HEATR5B: variants seen among roughly 807,000 people sequenced by gnomAD.
HEATR5B encodes the protein HEAT repeat-containing protein 5B.
HEATR5B carries 156 observed loss-of-function variants against 224.1 expected under a neutral mutation model. The ratio of observed to expected loss-of-function variants is 0.70; its 90% CI spans 0.61 to 0.80. The LOEUF (loss-of-function observed/expected upper bound fraction) is 0.80, where lower values mean the gene tolerates loss of function less well. Among genes scored for constraint, HEATR5B ranks in the 30% least tolerant of loss-of-function variants. HEATR5B has a pLI of 0.00. For synonymous variants in HEATR5B, 1,027 were observed against 893.0 expected (o/e 1.15, Z -2.68); for missense variants, 2,323 against 2,535.5 (o/e 0.92, Z 1.80).
intron 22 of HEATR5B, among the ~76,000 whole-genome samples, chr2:37,030,580 C>G (rs1476187586): frequency 1.3e-5 from 2 of 152,122 alleles, no homozygotes; most frequent in African/African-American, 2.4e-5. Flanking sequence ...CCAAAAAACC[C>G]TCCAGAAAAT....
chr2:37,037,174 C>G (rs528288962), intron 21 of HEATR5B, among the ~76,000 whole-genome samples: 5 of 80,374 alleles, frequency 6.2e-5, no homozygotes, highest in African/African-American at 2.6e-4. Flanking sequence ...GAGATGGAGT[C>G]TTGCTCTGTC....
At chr2:37,068,652 T>G in intron 8 of HEATR5B, 29 bp downstream of exon 8, 1 of 1,608,476 alleles carries the variant, frequency 6.2e-7, no homozygotes, top group Middle Eastern at 1.7e-4. Context: ...ACTAAGGTAA[T>G]CAACACACAT....
chr2:37,070,278 T>C lies in HEATR5B; in HGVS notation c.879A>G (p.Leu293=). ...CACGATTAACGGACCCTCCAACTTT[T>C]AACATTTCTCCACCGCTCTTTAAGA... ...SGFLKSGGEM[L]KVGGSVNREV... is the part of the protein sequence containing the mutation. Residue 293 remains leucine, a synonymous_variant, in exon 7 of 36, where the codon TTA becomes TTG. Coordinates refer to ENST00000233099, the MANE Select transcript of HEATR5B (RefSeq NM_019024.3). 1 of 1,614,120 alleles carries C rather than the reference T, an allele frequency of 6.2e-7. No individual in the cohort carries two copies. Among genetic ancestry groups the C allele is most frequent in the Non-Finnish European group, 8.5e-7 (1 of 1,179,984 alleles).
At chr2:37,065,115 A>G in intron 9 of HEATR5B, 125 bp from the exon 10 acceptor site, 1 of 925,396 alleles carries the variant, frequency 1.1e-6, no homozygotes, top group Non-Finnish European at 1.6e-6. Context: ...TAGATCCACA[A>G]CTTTGCCTAA....
chr2:36,988,625 T>C (rs771234566), intron 35 of HEATR5B, 21 bp downstream of exon 35: 14 of 1,576,650 alleles, frequency 8.9e-6, no homozygotes, highest in South Asian at 4.4e-5. Flanking sequence ...AACTAGTAGC[T>C]TTTTATAAGA....
At position 37,005,603 on chromosome 2, in the gene HEATR5B, C is replaced by A. The variant is rs760846579; in HGVS notation, c.4905+29G>T. 3.1e-6 allele frequency: 5 copies of A among 1,600,458 alleles called. No homozygotes were observed. The South Asian group carries it at 3.4e-5, about 11-fold the overall frequency. On this transcript the variant is annotated intron_variant, in intron 30 of 35. Coordinates refer to ENST00000233099, the MANE Select transcript of HEATR5B (RefSeq NM_019024.3). ...AAGCAATACTCAAAAAAAAACCACA[C>A]AAGTATCTATCATAGCAATACACTG... is the stretch of plus-strand genomic sequence containing the variant.
intron 33 of HEATR5B, among the ~76,000 whole-genome samples, chr2:36,997,036 C>T (rs1217580816): frequency 6.6e-6 from 1 of 152,128 alleles, no homozygotes; most frequent in Non-Finnish European, 1.5e-5. Context: ...CTTCTTTCAC[C>T]TATTGGTGAG....
At chr2:36,999,079 G>T (rs1320828237) in intron 33 of HEATR5B, among the ~76,000 whole-genome samples, 2 of 151,814 alleles carry the variant, frequency 1.3e-5, no homozygotes, top group Non-Finnish European at 2.9e-5. Context: ...TGGGCGTGGT[G>T]GTGCGTGCCT....
At chr2:37,043,113 C>T (rs910420225) in intron 18 of HEATR5B, among the ~76,000 whole-genome samples, 1 of 152,174 alleles carries the variant, frequency 6.6e-6, no homozygotes, top group Non-Finnish European at 1.5e-5. Flanking sequence ...AAACTTTCCA[C>T]TTGATGTGTG....
chr2:37,033,940 C>A (rs942628332), intron 21 of HEATR5B, among the ~76,000 whole-genome samples: 6 of 152,156 alleles, frequency 3.9e-5, no homozygotes, highest in African/African-American at 1.4e-4. Flanking sequence ...TATGTTCCAT[C>A]TGCTGCTTTT....
At chr2:37,068,510 C>CT (rs2148581029) in intron 8 of HEATR5B, among the ~76,000 whole-genome samples, 171 bp downstream of exon 8, 1 of 152,194 alleles carries the variant, frequency 6.6e-6, no homozygotes, top group East Asian at 1.9e-4. Flanking sequence ...TTTAAAAACT[C>CT]TATTTCACTG....
chr2:37,070,443 T>G, intron 6 of HEATR5B, 56 bp from the exon 7 acceptor site: 1 of 1,347,206 alleles, frequency 7.4e-7, no homozygotes, highest in Non-Finnish European at 1.0e-6. Context: ...CACTCTAGCT[T>G]AATAATTCAA....
intron 26 of HEATR5B, among the ~76,000 whole-genome samples, chr2:37,019,029 G>A (rs74354783): frequency 0.038 from 5,698 of 151,850 alleles, 157 homozygotes; most frequent in East Asian, 0.12. Flanking sequence ...GCGTGGTGGC[G>A]GGCACCTAAT....
At position 37,020,642 on chromosome 2, in the gene HEATR5B, T is replaced by C. The variant is rs186528951; in HGVS notation, c.4035+13A>G. 4.9e-5 allele frequency: 74 copies of C among 1,513,028 alleles called. No homozygotes were observed. Among genetic ancestry groups the C allele is most frequent in the East Asian group, 1.2e-4 (5 of 42,074 alleles). The allele number at this position is 1,513,028 out of a possible 1,614,324, so 93.7% of individuals were successfully genotyped here. On this transcript the variant is annotated intron_variant, in intron 25 of 35. Coordinates refer to ENST00000233099, the MANE Select transcript of HEATR5B (RefSeq NM_019024.3). Reference sequence around the variant, plus strand: ...GATCAATTTTAAGTTCTTAAATAAATAGAAAATCTCACATTAGCCTGATAC... The same window carrying C: ...GATCAATTTTAAGTTCTTAAATAAACAGAAAATCTCACATTAGCCTGATAC...
intron 26 of HEATR5B, among the ~76,000 whole-genome samples, chr2:37,015,222 T>C (rs1015379130): frequency 2.6e-5 from 4 of 152,176 alleles, no homozygotes; most frequent in African/African-American, 9.7e-5. Context: ...TAATTGGGAT[T>C]AGATTAAGGT....
intron 29 of HEATR5B, among the ~76,000 whole-genome samples, chr2:37,005,984 G>A (rs974054684): frequency 3.3e-5 from 5 of 152,086 alleles, no homozygotes; most frequent in African/African-American, 1.2e-4. Flanking sequence ...TGTGAAAGAA[G>A]GAATTCCCAT....
intron 26 of HEATR5B, among the ~76,000 whole-genome samples, chr2:37,015,789 T>A (rs1033005313): frequency 7.9e-5 from 12 of 152,314 alleles, no homozygotes; most frequent in Admixed American, 5.2e-4. Context: ...AACTTGGGTC[T>A]GGATTTCAGG....
chr2:37,040,598 G>C, intron 19 of HEATR5B, 80 bp from the exon 20 acceptor site: 2 of 966,032 alleles, frequency 2.1e-6, no homozygotes, highest in East Asian at 2.7e-5. Context: ...TTGTTACATG[G>C]GTATACTCTT....
At chr2:37,044,523 G>A (rs976540880) in intron 18 of HEATR5B, among the ~76,000 whole-genome samples, 1 of 152,078 alleles carries the variant, frequency 6.6e-6, no homozygotes, top group African/African-American at 2.4e-5. Flanking sequence ...GATAATTGTG[G>A]ATACTTTCCA....
Sources: allele counts gnomAD v4.1 joint callset (sites outside exome capture counted in the v4.1 genomes callset), GRCh38; gene constraint gnomAD v4.1.1; transcripts MANE v1.5; gene names NCBI Gene and HGNC (gene_info 2026-07-23, HGNC 2026-07-21).